The following GLIS3 variants were observed in gnomAD, a reference collection of about 807,000 sequenced individuals.
GLIS3 encodes zinc finger protein GLIS3.
A neutral mutation model predicts 78.6 loss-of-function variants in GLIS3; 53 were observed. The ratio of observed to expected loss-of-function variants is 0.67; its 90% CI spans 0.54 to 0.85. The LOEUF (loss-of-function observed/expected upper bound fraction) is 0.85. Among genes scored for constraint, GLIS3 ranks in the 40% least tolerant of loss-of-function variants. The probability of loss-of-function intolerance (pLI) is 0.00; values close to 1 mark genes in which losing one functional copy is unlikely to be tolerated. For missense variants in GLIS3, 1,703 were observed against 1,231.1 expected, an observed-to-expected ratio of 1.38 and a Z score of -5.74; for synonymous variants, 684 against 509.9, an observed-to-expected ratio of 1.34 and a Z score of -4.60.
the GLIS3 span, among the ~76,000 whole-genome samples, chr9:4,412,703 G>T: frequency 6.6e-6 from 1 of 152,080 alleles, no homozygotes; most frequent in African/African-American, 2.4e-5. Context: ...TTCTTCCTGG[G>T]CCAGTAACTA....
chr9:4,293,800 C>G (rs1036651182), intron 1 of GLIS3, among the ~76,000 whole-genome samples: 23 of 152,174 alleles, frequency 1.5e-4, no homozygotes, highest in Non-Finnish European at 2.9e-4. Context: ...CGCTATCTGC[C>G]CATCTGCAGT....
intron 4 of GLIS3, among the ~76,000 whole-genome samples, chr9:4,026,598 G>A (rs1823367982): frequency 6.6e-6 from 1 of 152,112 alleles, no homozygotes; most frequent in African/African-American, 2.4e-5. Flanking sequence ...CATACATAAT[G>A]CAGTTCAAAA....
intron 2 of GLIS3, among the ~76,000 whole-genome samples, chr9:4,247,123 A>G (rs1447746736): frequency 6.6e-6 from 1 of 152,192 alleles, no homozygotes; most frequent in Non-Finnish European, 1.5e-5. Flanking sequence ...GTGCACACCA[A>G]AAGCGCGATA....
intron 4 of GLIS3, among the ~76,000 whole-genome samples, chr9:4,021,054 T>C (rs934705145): frequency 2.5e-4 from 38 of 152,336 alleles, no homozygotes; most frequent in Non-Finnish European, 5.4e-4. Context: ...CTGCAGTTCT[T>C]GGATAAGTCC....
At chr9:4,433,562 G>A in the GLIS3 span, among the ~76,000 whole-genome samples, 3 of 152,146 alleles carry the variant, frequency 2.0e-5, no homozygotes, top group African/African-American at 7.2e-5. Context: ...TATGGACTCC[G>A]TTTTTTGCCA....
chr9:4,439,587 C>T, the GLIS3 span, among the ~76,000 whole-genome samples: 1 of 152,150 alleles, frequency 6.6e-6, no homozygotes, highest in African/African-American at 2.4e-5. Flanking sequence ...TCATAACCAC[C>T]CCAGTTTCTG....
chr9:4,455,892 T>C, the GLIS3 span, among the ~76,000 whole-genome samples: 3 of 152,026 alleles, frequency 2.0e-5, no homozygotes, highest in African/African-American at 4.8e-5. Context: ...GCATGTGAAT[T>C]GCTTGAAATT....
At chr9:4,199,132 A>C (rs1289719052) in intron 2 of GLIS3, among the ~76,000 whole-genome samples, 3 of 152,178 alleles carry the variant, frequency 2.0e-5, no homozygotes, top group Admixed American at 1.3e-4. Flanking sequence ...TAGCCCACAA[A>C]TCCTATAAAG....
Position 4,125,822 on chromosome 9 carries a change from G to C in GLIS3, c.508C>G (p.Gln170Glu), listed in dbSNP as rs779077595. Residue 170 changes from glutamine to glutamate, a missense_variant, in exon 3 of 11, where the codon CAG becomes GAG. Gln to Glu is a conservative substitution (Grantham distance 29). Coordinates refer to ENST00000381971, the MANE Select transcript of GLIS3 (RefSeq NM_001042413.2). ...ATCTGGTTGCATGCTGTAGAGACCT[G>C]GCTTGCTGGAGGTGAAATGAGTCCC... Reference protein sequence around the residue: ...RLGLISPPASQVSTACNQISP... With the variant: ...RLGLISPPASEVSTACNQISP... 3.0e-5 allele frequency: 49 copies of C among 1,613,966 alleles called. No homozygotes were observed. The highest frequency in any genetic ancestry group is 3.6e-5 in the Non-Finnish European group (43 of 1,179,988).
chr9:3,983,579 T>G (rs1819478249), intron 4 of GLIS3, among the ~76,000 whole-genome samples: 1 of 152,090 alleles, frequency 6.6e-6, no homozygotes. Context: ...CTGAGAGTGG[T>G]GTGGATAATA....
intron 2 of GLIS3, among the ~76,000 whole-genome samples, chr9:4,173,155 A>T (rs1353133375): frequency 1.3e-5 from 2 of 152,162 alleles, no homozygotes; most frequent in African/African-American, 4.8e-5. Context: ...AATCTGGCAA[A>T]GGGTGAGAGG....
chr9:3,896,671 A>AAAAAAAAAAAAAAAG, intron 7 of GLIS3, among the ~76,000 whole-genome samples: 1 of 27,570 alleles, frequency 3.6e-5, no homozygotes, highest in South Asian at 1.2e-3. Context: ...CATCTCAATT[A>AAAAAAAAAAAAAAAG]AAAAAAAAAA....
intron 4 of GLIS3, among the ~76,000 whole-genome samples, chr9:3,982,309 C>A (rs1037801682): frequency 6.6e-6 from 1 of 151,834 alleles, no homozygotes; most frequent in African/African-American, 2.4e-5. Flanking sequence ...TTGTATTAAA[C>A]GCAGCTCCTA....
chr9:4,212,244 C>CT (rs1270996940), intron 2 of GLIS3, among the ~76,000 whole-genome samples: 3 of 152,226 alleles, frequency 2.0e-5, no homozygotes, highest in Admixed American at 2.0e-4. Context: ...ACTTTCATCT[C>CT]TTTTTCCCCA....
upstream of GLIS3, among the ~76,000 whole-genome samples, chr9:4,300,378 T>G (rs1817016140): frequency 6.6e-6 from 1 of 151,352 alleles, no homozygotes; most frequent in African/African-American, 2.5e-5. Flanking sequence ...AGACAGGATT[T>G]GATGTCAGGT....
rs975277783 is a variant in GLIS3 at position 4,112,654 on chromosome 9, G to C, written c.1710+5114C>G. 2.6e-5 allele frequency among the ~76,000 whole-genome samples: 4 copies of C among 152,268 alleles called. No homozygotes were observed. In the South Asian group the frequency reaches 8.3e-4, roughly 32 times the overall value. The stretch of plus-strand genomic sequence containing the variant: ...AGTATGGAACAGCTAAATAACAGTC[G>C]TGGAAAGATCAATTTCTCTAGGCTT... On this transcript the variant is annotated intron_variant, in intron 4 of 10. Transcript: ENST00000381971.
chr9:4,115,187 A>G (rs1411350961), intron 4 of GLIS3, among the ~76,000 whole-genome samples: 1 of 152,222 alleles, frequency 6.6e-6, no homozygotes, highest in Non-Finnish European at 1.5e-5. Flanking sequence ...TCTTGGGTCA[A>G]TAAGCTAAGC....
At chr9:3,841,980 C>A (rs1211124125) in intron 9 of GLIS3, among the ~76,000 whole-genome samples, 1 of 152,184 alleles carries the variant, frequency 6.6e-6, no homozygotes, top group Non-Finnish European at 1.5e-5. Flanking sequence ...TAAAACAGAA[C>A]AAGGGAAGCA....
intron 2 of GLIS3, among the ~76,000 whole-genome samples, chr9:4,174,231 C>T (rs1816631073): frequency 6.6e-6 from 1 of 152,144 alleles, no homozygotes; most frequent in Admixed American, 6.5e-5. Context: ...CAATAAGCTG[C>T]ATTTAAGTCC....
Sources: allele counts gnomAD v4.1 joint callset (sites outside exome capture counted in the v4.1 genomes callset), GRCh38; gene constraint gnomAD v4.1.1; transcripts MANE v1.5; gene names NCBI Gene and HGNC (gene_info 2026-07-23, HGNC 2026-07-21).